SLIT3: variants seen among roughly 807,000 people sequenced by gnomAD.
The protein encoded by SLIT3 is slit guidance ligand 3.
SLIT3 carries 68 observed loss-of-function variants against 184.0 expected under a neutral mutation model. The observed-to-expected ratio is 0.37, with a 90% CI of 0.30 to 0.45. The LOEUF is 0.45. SLIT3 is among the 20% of genes least tolerant of loss of function. The pLI, the probability that SLIT3 is intolerant of heterozygous loss-of-function variation, is 1.00. For synonymous variants in SLIT3, 831 were observed against 828.6 expected (o/e 1.00, Z -0.05); for missense variants, 1,707 against 2,026.0 (o/e 0.84, Z 3.02).
chr5:168,881,155 C>T (rs1033625969), intron 5 of SLIT3, among the ~76,000 whole-genome samples: 1 of 152,172 alleles, frequency 6.6e-6, no homozygotes, highest in African/African-American at 2.4e-5. Flanking sequence ...AGAGAAGATC[C>T]TCACTGAGTT....
intron 5 of SLIT3, among the ~76,000 whole-genome samples, chr5:168,846,727 G>A (rs746975701): frequency 5.3e-5 from 8 of 152,190 alleles, no homozygotes; most frequent in Non-Finnish European, 7.3e-5. Flanking sequence ...ATTGGTTTTC[G>A]TGCAGACATT....
chr5:169,277,476 G>C (rs4516875), intron 1 of SLIT3, among the ~76,000 whole-genome samples: 1 of 152,010 alleles, frequency 6.6e-6, no homozygotes, highest in East Asian at 1.9e-4. Flanking sequence ...GGGTTCAAGC[G>C]ATCTGCCTGC....
chr5:169,244,162 G>A (rs556560723), intron 3 of SLIT3, among the ~76,000 whole-genome samples: 24 of 152,304 alleles, frequency 1.6e-4, no homozygotes, highest in Middle Eastern at 3.4e-3. Flanking sequence ...GCATTCTCTC[G>A]TGGAAACGTG....
In SLIT3 at chr5:169,118,193, A is replaced by G. The variant is rs377589122; in HGVS notation, c.413+75286T>C. ...ACCTTGTCTCTAAAGAAATTTGTTT[A>G]AATGATTTTTTGAAATGTGCACATT... On this transcript the variant is annotated intron_variant, in intron 4 of 35. Coordinates refer to ENST00000519560, the MANE Select transcript of SLIT3 (RefSeq NM_003062.4). Among the ~76,000 whole-genome samples, 100 of 152,330 alleles carry G rather than the reference A, an allele frequency of 6.6e-4. 3 individuals carry two copies. The South Asian group carries it at 0.02, about 31-fold the overall frequency.
intron 1 of SLIT3, among the ~76,000 whole-genome samples, chr5:169,257,697 T>C (rs1197424056): frequency 3.3e-5 from 5 of 151,782 alleles, no homozygotes; most frequent in Middle Eastern, 3.4e-3. Flanking sequence ...GGATTACAGG[T>C]GCCTGCCACC....
intron 2 of SLIT3, among the ~76,000 whole-genome samples, chr5:169,248,571 G>A (rs1054060569): frequency 2.6e-5 from 4 of 152,174 alleles, no homozygotes; most frequent in African/African-American, 9.7e-5. Flanking sequence ...GTCCATGGCT[G>A]GAGTCTGTTC....
chr5:168,975,238 C>A (rs1754708188), intron 4 of SLIT3, among the ~76,000 whole-genome samples: 1 of 152,146 alleles, frequency 6.6e-6, no homozygotes, highest in African/African-American at 2.4e-5. Flanking sequence ...ACCTCACCTG[C>A]CCAGGAAGCC....
At chr5:168,959,427 A>G (rs1046798706) in intron 4 of SLIT3, among the ~76,000 whole-genome samples, 10 of 152,246 alleles carry the variant, frequency 6.6e-5, no homozygotes, top group Non-Finnish European at 1.3e-4. Context: ...TCAAACCTGT[A>G]TAAGAAAATA....
chr5:169,222,158 T>C (rs901932217), intron 3 of SLIT3, among the ~76,000 whole-genome samples: 1 of 152,208 alleles, frequency 6.6e-6, no homozygotes. Context: ...CATACTACCT[T>C]GTTATTCTTT....
At chr5:169,046,141 G>C (rs866177382) in intron 4 of SLIT3, among the ~76,000 whole-genome samples, 1 of 152,100 alleles carries the variant, frequency 6.6e-6, no homozygotes, top group Non-Finnish European at 1.5e-5. Flanking sequence ...CCCCCCAAAA[G>C]GTGCCTTATT....
At chr5:169,032,684 C>G (rs1051276635) in intron 4 of SLIT3, among the ~76,000 whole-genome samples, 10 of 144,920 alleles carry the variant, frequency 6.9e-5, no homozygotes, top group Admixed American at 1.4e-4. Flanking sequence ...TCCTAATTCA[C>G]ATGAAAATAG....
chr5:169,027,969 C>T (rs938792025), intron 4 of SLIT3, among the ~76,000 whole-genome samples: 1 of 152,132 alleles, frequency 6.6e-6, no homozygotes, highest in African/African-American at 2.4e-5. Flanking sequence ...TAAGGAACTG[C>T]CCTTTATCTC....
At chr5:168,699,404 G>C (rs1174086656) in intron 27 of SLIT3, among the ~76,000 whole-genome samples, 2 of 152,232 alleles carry the variant, frequency 1.3e-5, no homozygotes, top group African/African-American at 4.8e-5. Flanking sequence ...TTATTGCCAA[G>C]GGGCTGCCGC....
chr5:168,860,851 C>T (rs555109317), intron 5 of SLIT3, among the ~76,000 whole-genome samples: 13 of 152,314 alleles, frequency 8.5e-5, no homozygotes, highest in Admixed American at 2.6e-4. Context: ...AGGGCTTTGG[C>T]CCCAGCTTTC....
chr5:169,253,960 C>T (rs1765862480), intron 1 of SLIT3, among the ~76,000 whole-genome samples: 5 of 152,174 alleles, frequency 3.3e-5, no homozygotes, highest in South Asian at 2.1e-4. Context: ...ACAGGGGCTA[C>T]GGAGGAGGGA....
chr5:168,796,102 C>T (rs1178125831), intron 9 of SLIT3, among the ~76,000 whole-genome samples: 1 of 152,186 alleles, frequency 6.6e-6, no homozygotes, highest in African/African-American at 2.4e-5. Context: ...GCAGGAACAG[C>T]CTTAACGTCT....
intron 1 of SLIT3, among the ~76,000 whole-genome samples, chr5:169,296,949 G>A (rs926065355): frequency 5.9e-5 from 9 of 152,200 alleles, no homozygotes; most frequent in African/African-American, 2.2e-4. Context: ...GCAAGATGGG[G>A]AGAAGTGGCC....
At chr5:168,772,298 T>TA (rs1423868258) in intron 14 of SLIT3, 1 of 161,666 alleles carries the variant, frequency 6.2e-6, no homozygotes, top group African/African-American at 2.4e-5. Context: ...ACCTATAACA[T>TA]ACTGTGGTCA....
chr5:169,105,741 G>T (rs920153699), intron 4 of SLIT3, among the ~76,000 whole-genome samples: 10 of 152,152 alleles, frequency 6.6e-5, no homozygotes, highest in Admixed American at 5.9e-4. Flanking sequence ...GTTTGCTGAG[G>T]ATATGGCTTC....
Sources: gnomAD v4.1 joint callset for allele counts (sites outside exome capture counted in the v4.1 genomes callset) on GRCh38, gnomAD v4.1.1 for gene constraint, MANE v1.5 for transcripts, NCBI Gene and HGNC (gene_info 2026-07-23, HGNC 2026-07-21) for gene names.